The following LSMEM1 variants were observed in gnomAD, a reference collection of about 807,000 sequenced individuals.
LSMEM1 encodes the protein leucine rich single-pass membrane protein 1.
LSMEM1 carries 10 observed loss-of-function variants against 11.3 expected under a neutral mutation model. That is an observed-to-expected ratio of 0.89 (90% CI 0.55 to 1.50). LSMEM1 has a LOEUF of 1.50. Among genes scored for constraint, LSMEM1 ranks in the 40% most tolerant of loss-of-function variants. The pLI is 0.00. For synonymous variants in LSMEM1, 65 were observed against 59.3 expected (o/e 1.10, Z -0.44); for missense variants, 151 against 152.9 (o/e 0.99, Z 0.06).
chr7:112,488,144 G>C (rs1796172781), intron 3 of LSMEM1, among the ~76,000 whole-genome samples: 2 of 152,278 alleles, frequency 1.3e-5, no homozygotes, highest in South Asian at 2.1e-4. Flanking sequence ...TGGGAGGGAG[G>C]GGTCATGTTT....
At position 112,485,036 on chromosome 7, in the gene LSMEM1, G is replaced by C. The variant is rs557067896; in HGVS notation, c.127+93G>C. ...GACTGGATGTGTGGGTGTGGTGGAG[G>C]GGGAGGGGGCATTAGGAAGAGGTTG... On this transcript the variant is annotated intron_variant, in intron 2 of 3. Coordinates refer to ENST00000312849, the MANE Select transcript of LSMEM1 (RefSeq NM_182597.3). 1.4e-3 allele frequency: 1,955 copies of C among 1,367,006 alleles called. 36 individuals carry two copies. In the African/African-American group the frequency reaches 0.026, roughly 19 times the overall value. The allele number at this position is 1,367,006 out of a possible 1,614,324, so 84.7% of individuals were successfully genotyped here. A position where few individuals can be genotyped will look rare whatever the true frequency, so the allele number is the denominator to read the frequency against.
intron 1 of LSMEM1, among the ~76,000 whole-genome samples, chr7:112,482,463 C>T (rs1021262700): frequency 1.3e-5 from 2 of 152,168 alleles, no homozygotes; most frequent in Non-Finnish European, 2.9e-5. Flanking sequence ...GAAGCTAAGG[C>T]TCAAGGCTAT....
chr7:112,490,990 G>A lies in LSMEM1; in HGVS notation c.*1041G>A, dbSNP rs1472643602. ...ATTTTGGATTGATCAAAAACATTTG[G>A]GTTTACTACGATATTAAGCATTCAC... On this transcript the variant is annotated 3_prime_UTR_variant, in exon 4 of 4. Coordinates refer to ENST00000312849, the MANE Select transcript of LSMEM1 (RefSeq NM_182597.3). 1.3e-5 allele frequency: 2 copies of A among 152,040 alleles called. No homozygotes were observed. The highest frequency in any genetic ancestry group is 1.9e-4 in the East Asian group (1 of 5,184). The allele number at this position is 152,040 out of a possible 1,614,324, so 9.4% of individuals were successfully genotyped here. A position where few individuals can be genotyped will look rare whatever the true frequency, so the allele number is the denominator to read the frequency against.
Position 112,484,813 on chromosome 7 carries a change from G to C in LSMEM1, c.-4G>C. The C allele has an allele frequency of 6.2e-7, 1 of 1,612,888 alleles. No individual in the cohort carries two copies. On this transcript the variant is annotated splice_region_variant and 5_prime_UTR_variant, in exon 2 of 4. Transcript: ENST00000312849. ...TTTAACATCAGTGTTTTCTTCCAGGGACAATGACTCATTCTTCCCAGGACA... is the reference window on the plus strand; with the variant it reads ...TTTAACATCAGTGTTTTCTTCCAGGCACAATGACTCATTCTTCCCAGGACA...
Position 112,487,065 on chromosome 7 carries a change from C to T in LSMEM1, c.256+14C>T. 6.2e-7 allele frequency: 1 copy of T among 1,610,238 alleles called. No individual in the cohort carries two copies. The highest frequency in any genetic ancestry group is 8.5e-7 in the Non-Finnish European group (1 of 1,179,008). ...TATTTCTAATAGGTAAGTACCACCA[C>T]AGGTTTCTTTTTTATTACTTGTATG... On this transcript the variant is annotated intron_variant, in intron 3 of 3. Coordinates refer to ENST00000312849, the MANE Select transcript of LSMEM1 (RefSeq NM_182597.3).
intron 1 of LSMEM1, chr7:112,483,539 CA>C (rs1796072086): frequency 6.6e-6 from 1 of 152,016 alleles, no homozygotes; most frequent in African/African-American, 2.4e-5. Context: ...CAAATAGATG[CA>C]ATAAAATACT....
Position 112,484,867 on chromosome 7 carries a change from A to G in LSMEM1, c.51A>G (p.Gly17=). 2 of 1,613,904 alleles carry G rather than the reference A, an allele frequency of 1.2e-6. No homozygotes were observed. Among genetic ancestry groups the G allele is most frequent in the Admixed American group, 3.3e-5 (2 of 60,020 alleles). The change falls in exon 2 of 4, where the codon GGA becomes GGG. Residue 17 remains glycine (G), a synonymous_variant. Transcript: ENST00000312849. Reference sequence around the variant, plus strand: ...GTTCTTGTGGCATTCAGGAAGATGGAAAGCTTTATGTGGTGGATTCCATAA... The same window carrying G: ...GTTCTTGTGGCATTCAGGAAGATGGGAAGCTTTATGTGGTGGATTCCATAA... ...DTGSCGIQED[G]KLYVVDSIND... is the part of the protein sequence containing the mutation.
intron 2 of LSMEM1, chr7:112,486,199 T>C (rs1053476987): frequency 5.8e-5 from 13 of 223,574 alleles, no homozygotes; most frequent in East Asian, 1.0e-4. Context: ...GAGCATTCAA[T>C]TGAGTCTTCC....
intron 2 of LSMEM1, 127 bp downstream of exon 2, chr7:112,485,070 A>G: frequency 2.2e-5 from 26 of 1,160,508 alleles, no homozygotes; most frequent in Non-Finnish European, 3.1e-5. Flanking sequence ...TGGCACTGGA[A>G]ATGTTATTTG....
intron 2 of LSMEM1, 169 bp from the exon 3 acceptor site, chr7:112,486,752 GTT>G: frequency 1.2e-6 from 1 of 846,510 alleles, no homozygotes; most frequent in East Asian, 3.1e-5. Flanking sequence ...CTCCAGCCTG[GTT>G]GACAGAGCAA....
intron 2 of LSMEM1, among the ~76,000 whole-genome samples, chr7:112,486,622 A>G (rs1796132061): frequency 6.6e-6 from 1 of 152,096 alleles, no homozygotes; most frequent in Admixed American, 6.5e-5. Context: ...TAAAAATACA[A>G]AAACTTAGCG....
At chr7:112,482,122 C>T (rs945514474) in intron 1 of LSMEM1, among the ~76,000 whole-genome samples, 1 of 152,236 alleles carries the variant, frequency 6.6e-6, no homozygotes, top group African/African-American at 2.4e-5. Context: ...GAACAGCACC[C>T]AACTCAGTTT....
intron 2 of LSMEM1, 96 bp downstream of exon 2, chr7:112,485,039 G>T (rs972256628): frequency 1.5e-6 from 2 of 1,330,300 alleles, no homozygotes; most frequent in African/African-American, 1.5e-5. Context: ...GGTGGAGGGG[G>T]AGGGGGCATT....
chr7:112,485,037 G>C (rs1796102877), intron 2 of LSMEM1, 94 bp downstream of exon 2: 8 of 1,365,216 alleles, frequency 5.9e-6, no homozygotes, highest in Non-Finnish European at 7.9e-6. Flanking sequence ...GTGGTGGAGG[G>C]GGAGGGGGCA....
intron 3 of LSMEM1, among the ~76,000 whole-genome samples, chr7:112,488,421 T>A (rs891002714): frequency 1.3e-5 from 2 of 152,148 alleles, no homozygotes; most frequent in African/African-American, 2.4e-5. Flanking sequence ...TCTACAGACA[T>A]GTAAACAACC....
chr7:112,485,029 G>A (rs1272713992), intron 2 of LSMEM1, 86 bp downstream of exon 2: 3 of 1,408,538 alleles, frequency 2.1e-6, no homozygotes, highest in Middle Eastern at 2.1e-4. Flanking sequence ...GTGTGGGTGT[G>A]GTGGAGGGGG....
rs185117670 is a variant in LSMEM1, at chr7:112,485,022, T to G, written c.127+79T>G. The G allele has an allele frequency of 6.6e-4, 836 of 1,274,572 alleles. 4 individuals carry two copies. In the African/African-American group the frequency reaches 0.01, roughly 16 times the overall value. The allele number at this position is 1,274,572 out of a possible 1,614,324, so 79.0% of individuals were successfully genotyped here. Reference sequence around the variant, plus strand: ...AAATAGCCACTGCTGACTGGATGTGTGGGTGTGGTGGAGGGGGAGGGGGCA... The same window carrying G: ...AAATAGCCACTGCTGACTGGATGTGGGGGTGTGGTGGAGGGGGAGGGGGCA... On this transcript the variant is annotated intron_variant, in intron 2 of 3. Coordinates refer to ENST00000312849, the MANE Select transcript of LSMEM1 (RefSeq NM_182597.3).
At chr7:112,488,458 G>A (rs1185057127) in intron 3 of LSMEM1, among the ~76,000 whole-genome samples, 1 of 152,074 alleles carries the variant, frequency 6.6e-6, no homozygotes, top group Non-Finnish European at 1.5e-5. Flanking sequence ...TTTTCTGTGA[G>A]ATAAGTAGCA....
chr7:112,487,035 C>T lies in LSMEM1; in HGVS notation c.240C>T (p.Phe80=), dbSNP rs762008070. The T allele has an allele frequency of 8.7e-6, 14 of 1,613,880 alleles. No individual in the cohort carries two copies. Among genetic ancestry groups the T allele is most frequent in the African/African-American group, 4.0e-5 (3 of 74,972 alleles). ...TTGTCAGCCTGGCACTGGTTTTTTTCGTGATATTTCTAATAGGTAAGTACC... is the reference window on the plus strand; with the variant it reads ...TTGTCAGCCTGGCACTGGTTTTTTTTGTGATATTTCTAATAGGTAAGTACC... ...VLIVSLALVF[F]VIFLIVQTGN... is the part of the protein sequence containing the mutation. Residue 80 remains phenylalanine, a synonymous_variant, in exon 3 of 4, where the codon TTC becomes TTT. Coordinates refer to ENST00000312849, the MANE Select transcript of LSMEM1 (RefSeq NM_182597.3).
Sources: gnomAD v4.1 joint callset for allele counts (sites outside exome capture counted in the v4.1 genomes callset) on GRCh38, gnomAD v4.1.1 for gene constraint, MANE v1.5 for transcripts, NCBI Gene and HGNC (gene_info 2026-07-23, HGNC 2026-07-21) for gene names.